LETM1: variants seen among roughly 807,000 people sequenced by gnomAD.
LETM1 encodes leucine zipper and EF-hand containing transmembrane protein 1.
Under a neutral mutation model 74.5 loss-of-function variants are expected in LETM1, and 50 were observed. The observed-to-expected ratio is 0.67, with a 90% CI of 0.53 to 0.85. The LOEUF (loss-of-function observed/expected upper bound fraction) is 0.85. Ranked by LOEUF, LETM1 falls within the 40% of genes least tolerant of loss-of-function variation. The pLI is 0.00. For synonymous variants in LETM1, 446 were observed against 407.1 expected, an observed-to-expected ratio of 1.10 and a Z score of -1.15; for missense variants, 824 against 967.8, an observed-to-expected ratio of 0.85 and a Z score of 1.97.
chr4:1,833,083 T>G (rs1577319207), intron 5 of LETM1, 136 bp from the exon 6 acceptor site: 6 of 736,626 alleles, frequency 8.1e-6, no homozygotes, highest in South Asian at 1.8e-5. Context: ...CTTTTTTTTT[T>G]TTGTTTGAGA....
Position 1,848,009 on chromosome 4 carries a change from T to TA in LETM1, c.143+1139dup, listed in dbSNP as rs910869269. Reference sequence around the variant, plus strand: ...GACTCTGTCTCAAAAAAAATAAAAATAAAAAAAAAAAAGAAAATGCAACCT... The same window carrying TA: ...GACTCTGTCTCAAAAAAAATAAAAATAAAAAAAAAAAAAGAAAATGCAACCT... On this transcript the variant is annotated intron_variant, in intron 2 of 13. Transcript: ENST00000302787. 1.9e-3 allele frequency among the ~76,000 whole-genome samples: 229 copies of TA among 122,928 alleles called. 1 individual carries two copies. Among genetic ancestry groups the TA allele is most frequent in the African/African-American group, 5.3e-3 (176 of 33,408 alleles). The allele number at this position is 122,928 out of a possible 152,430, so 80.6% of individuals were successfully genotyped here. A position where few individuals can be genotyped will look rare whatever the true frequency, so the allele number is the denominator to read the frequency against.
At chr4:1,827,442 G>A (rs1712037816) in intron 6 of LETM1, among the ~76,000 whole-genome samples, 1 of 117,052 alleles carries the variant, frequency 8.5e-6, no homozygotes, top group Non-Finnish European at 1.7e-5. Flanking sequence ...GCGGCCTTCC[G>A]CAGTGTTTGT....
intron 1 of LETM1, among the ~76,000 whole-genome samples, chr4:1,851,384 C>G (rs1387451930): frequency 6.6e-6 from 1 of 152,228 alleles, no homozygotes; most frequent in East Asian, 1.9e-4. Context: ...CGTGAGAGGA[C>G]GAACAAGATG....
At chr4:1,823,265 T>C (rs1711855547) in intron 8 of LETM1, 134 bp from the exon 9 acceptor site, 1 of 1,222,136 alleles carries the variant, frequency 8.2e-7, no homozygotes, top group East Asian at 2.5e-5. Context: ...CAGAAGGCAC[T>C]GCCGAGGTGC....
At chr4:1,855,411 G>C (rs1265884343) in intron 1 of LETM1, among the ~76,000 whole-genome samples, 2 of 152,162 alleles carry the variant, frequency 1.3e-5, no homozygotes, top group Non-Finnish European at 2.9e-5. Flanking sequence ...GTAGGTGCTG[G>C]CATCACCTCA....
In LETM1 at chr4:1,834,730, C is replaced by G. The variant is rs903126272; in HGVS notation, c.876+115G>C. The G allele has an allele frequency of 3.0e-5, 46 of 1,524,304 alleles. No homozygotes were observed. The highest frequency in any genetic ancestry group is 1.2e-4 in the Admixed American group (6 of 49,416). The allele number at this position is 1,524,304 out of a possible 1,614,324, so 94.4% of individuals were successfully genotyped here. ...CGACTGAGCCTCCTGGGTAAACTTTCAAGCGCCAGCCAGCACCTGGGGGAG... is the reference window on the plus strand; with the variant it reads ...CGACTGAGCCTCCTGGGTAAACTTTGAAGCGCCAGCCAGCACCTGGGGGAG... On this transcript the variant is annotated intron_variant, in intron 5 of 13. Transcript: ENST00000302787. This position sits in a 1 kb window ranked among gnomAD's most constrained non-coding sequence, Gnocchi z 5.0.
In LETM1 at chr4:1,832,731, T is replaced by C. The variant is rs767788960; in HGVS notation, c.1080+13A>G. The stretch of plus-strand genomic sequence containing the variant: ...AACACCAGAGCTGTGGCGCGGAGTA[T>C]GGCCAGGCTCACCTTGTCGTCTGCC... On this transcript the variant is annotated intron_variant, in intron 6 of 13. Transcript: ENST00000302787. The C allele has an allele frequency of 1.2e-5, 19 of 1,613,384 alleles. No individual in the cohort carries two copies. The Admixed American group carries it at 1.7e-4, about 14-fold the overall frequency.
chr4:1,828,516 C>A (rs1712108160), intron 6 of LETM1, among the ~76,000 whole-genome samples: 1 of 129,706 alleles, frequency 7.7e-6, no homozygotes, highest in African/African-American at 3.2e-5. Flanking sequence ...TGACCCCCCC[C>A]CCCACCTCCC....
chr4:1,827,080 G>C (rs925691739), intron 6 of LETM1, among the ~76,000 whole-genome samples: 1 of 152,120 alleles, frequency 6.6e-6, no homozygotes. Context: ...CCCTCGCTCT[G>C]GTTGCTGGGA....
At chr4:1,845,870 T>A (rs1309056246) in intron 2 of LETM1, among the ~76,000 whole-genome samples, 4 of 151,642 alleles carry the variant, frequency 2.6e-5, no homozygotes, top group Non-Finnish European at 5.9e-5. Flanking sequence ...TATTATTATT[T>A]TTTTTGAGAC....
At position 1,843,035 on chromosome 4, in the gene LETM1, A is replaced by G. The variant is rs566879435; in HGVS notation, c.144-1238T>C. The G allele has an allele frequency of 2.7e-5, 10 of 373,896 alleles. No homozygotes were observed. The East Asian group carries it at 9.5e-4, about 36-fold the overall frequency. 23.2% of individuals were successfully genotyped at this position (373,896 alleles called of 1,614,324 possible). On this transcript the variant is annotated intron_variant, in intron 2 of 13. Transcript: ENST00000302787. ...AAGGCCATGTGTGTCGCATAACTTC[A>G]CATCAGCTCCTCCTGCTTCCATCAG...
At chr4:1,835,641 G>A (rs912249191) in intron 4 of LETM1, among the ~76,000 whole-genome samples, 2 of 152,086 alleles carry the variant, frequency 1.3e-5, no homozygotes, top group African/African-American at 4.8e-5. Flanking sequence ...ACTGGGCATC[G>A]CAGGTCCCCA....
chr4:1,842,124 A>G (rs769718929), intron 2 of LETM1, among the ~76,000 whole-genome samples: 4 of 152,244 alleles, frequency 2.6e-5, no homozygotes, highest in Non-Finnish European at 5.9e-5. Context: ...GCCCACTCCC[A>G]GAGACTTGGG....
intron 6 of LETM1, 57 bp from the exon 7 acceptor site, chr4:1,825,740 C>G (rs1711966074): frequency 6.5e-7 from 1 of 1,547,794 alleles, no homozygotes; most frequent in Middle Eastern, 1.8e-4. Flanking sequence ...GTGACAGTGT[C>G]TGTGTGAACA....
At position 1,855,891 on chromosome 4, in the gene LETM1, C is replaced by G; in HGVS notation, c.60G>C (p.Pro20=). ...RGRAPARLPP[P]PRYTVPRGSP... ...TACCCCGCGGGACGGTGTACCGAGG[C>G]GGCGGCGGGAGGCGGGCGGGCGCCC... The change falls in exon 1 of 14, where the codon CCG becomes CCC. Residue 20 remains proline (P), a synonymous_variant. Transcript: ENST00000302787. The G allele has an allele frequency of 8.1e-7, 1 of 1,238,906 alleles. No homozygotes were observed. Among genetic ancestry groups the G allele is most frequent in the South Asian group, 3.4e-5 (1 of 29,498 alleles). The allele number at this position is 1,238,906 out of a possible 1,614,324, so 76.7% of individuals were successfully genotyped here. A position where few individuals can be genotyped will look rare whatever the true frequency, so the allele number is the denominator to read the frequency against.
chr4:1,825,387 G>A lies in LETM1; in HGVS notation c.1200+177C>T, dbSNP rs562634477. On this transcript the variant is annotated intron_variant, in intron 7 of 13. Coordinates refer to ENST00000302787, the MANE Select transcript of LETM1 (RefSeq NM_012318.3). The stretch of plus-strand genomic sequence containing the variant: ...GAAAGGTGCGAATGCAGGGGTGTGA[G>A]TGCGGTAGGAGCAGAAGGGCGAGAA... 3.3e-5 allele frequency among the ~76,000 whole-genome samples: 5 copies of A among 152,386 alleles called. No individual in the cohort carries two copies. In the East Asian group the frequency reaches 9.6e-4, roughly 29 times the overall value.
chr4:1,825,709 A>G (rs1021661898), intron 6 of LETM1, 26 bp from the exon 7 acceptor site: 4 of 1,593,658 alleles, frequency 2.5e-6, no homozygotes, highest in Non-Finnish European at 3.4e-6. Flanking sequence ...GTGAATTATC[A>G]TCTGGGACAG....
At chr4:1,819,190 AG>A in intron 11 of LETM1, 147 bp downstream of exon 11, 1 of 750,206 alleles carries the variant, frequency 1.3e-6, no homozygotes, top group South Asian at 2.1e-5. Context: ...TTACTGAATA[AG>A]GTTTATTTAT....
chr4:1,841,049 G>C (rs951945516), intron 3 of LETM1, among the ~76,000 whole-genome samples: 3 of 152,190 alleles, frequency 2.0e-5, no homozygotes, highest in African/African-American at 7.2e-5. Context: ...AATCTATAGA[G>C]TGAAAAGAAT....
Sources: gnomAD v4.1 joint callset for allele counts (sites outside exome capture counted in the v4.1 genomes callset) on GRCh38, gnomAD v4.1.1 for gene constraint, Gnocchi (gnomAD v3.1) non-coding constraint, MANE v1.5 for transcripts, NCBI Gene and HGNC (gene_info 2026-07-23, HGNC 2026-07-21) for gene names.